MROH1: variants seen among roughly 807,000 people sequenced by gnomAD.
The protein encoded by MROH1 is maestro heat like repeat family member 1, also known as maestro heat-like repeat-containing protein family member 1.
MROH1 carries 117 observed loss-of-function variants against 116.5 expected under a neutral mutation model. That is an observed-to-expected ratio of 1.00 (90% CI 0.86 to 1.17). The LOEUF is 1.17. MROH1 is among the 50% of genes most tolerant of loss of function. The probability of loss-of-function intolerance (pLI) is 0.00; values close to 1 mark genes in which losing one functional copy is unlikely to be tolerated. For missense variants in MROH1, 1,873 were observed against 1,338.5 expected, an observed-to-expected ratio of 1.40 and a Z score of -6.23; for synonymous variants, 921 against 583.9, an observed-to-expected ratio of 1.58 and a Z score of -8.32.
chr8:144,172,941 C>T, intron 4 of MROH1, among the ~76,000 whole-genome samples: 1 of 152,090 alleles, frequency 6.6e-6, no homozygotes, highest in Non-Finnish European at 1.5e-5. Flanking sequence ...GTCATAGTGG[C>T]ACAGAATAAA....
rs1554836130 is a variant in MROH1, at chr8:144,261,777, C to T, written c.*37C>T. On this transcript the variant is annotated 3_prime_UTR_variant, in exon 44 of 44. Transcript: ENST00000326134. ...GCACCCCCAGCGAGGAGTATGCACCCAGACCTGTGCCTGAGCTCCAAGACA... is the reference window on the plus strand; with the variant it reads ...GCACCCCCAGCGAGGAGTATGCACCTAGACCTGTGCCTGAGCTCCAAGACA... The T allele has an allele frequency of 1.4e-6, 1 of 702,238 alleles. No individual in the cohort carries two copies. The highest frequency in any genetic ancestry group is 2.7e-5 in the East Asian group (1 of 37,282). The allele number at this position is 702,238 out of a possible 1,614,324, so 43.5% of individuals were successfully genotyped here.
intron 4 of MROH1, among the ~76,000 whole-genome samples, chr8:144,178,995 T>C (rs1455390410): frequency 6.6e-6 from 1 of 151,502 alleles, no homozygotes; most frequent in Non-Finnish European, 1.5e-5. Flanking sequence ...GAAGGTGGTG[T>C]GGTGGGTGGC....
At chr8:144,223,987 G>A (rs188709968) in intron 14 of MROH1, among the ~76,000 whole-genome samples, 2 of 152,328 alleles carry the variant, frequency 1.3e-5, no homozygotes, top group East Asian at 1.9e-4. Flanking sequence ...GTGCGTGGTC[G>A]TCAGTGAGGA....
intron 10 of MROH1, among the ~76,000 whole-genome samples, chr8:144,197,373 T>G (rs571755280): frequency 2.1e-5 from 3 of 141,358 alleles, no homozygotes; most frequent in African/African-American, 8.1e-5. Context: ...GCTAGCTTCC[T>G]GCAGGGTGAG....
At chr8:144,261,245 C>T (rs940413380) in intron 42 of MROH1, 29 bp downstream of exon 42, 43 of 759,968 alleles carry the variant, frequency 5.7e-5, no homozygotes, top group African/African-American at 1.2e-4. Context: ...CCCACCCCCA[C>T]GCCGCCCGGC....
At chr8:144,173,014 T>C (rs184443235) in intron 4 of MROH1, among the ~76,000 whole-genome samples, 2 of 152,288 alleles carry the variant, frequency 1.3e-5, no homozygotes, top group East Asian at 3.8e-4. Context: ...AAGGGGCTTA[T>C]TATGTGTTTG....
At chr8:144,170,139 C>T (rs1822072915) in intron 4 of MROH1, among the ~76,000 whole-genome samples, 1 of 152,196 alleles carries the variant, frequency 6.6e-6, no homozygotes, top group Non-Finnish European at 1.5e-5. Flanking sequence ...CCAATATTTA[C>T]AGGTTTTATG....
intron 13 of MROH1, among the ~76,000 whole-genome samples, chr8:144,221,274 C>T (rs1836682892): frequency 6.6e-6 from 1 of 152,188 alleles, no homozygotes; most frequent in South Asian, 2.1e-4. Flanking sequence ...CTCCACCTGT[C>T]ACATGAGACC....
chr8:144,257,634 A>C (rs1056600824), intron 35 of MROH1, among the ~76,000 whole-genome samples: 34 of 152,096 alleles, frequency 2.2e-4, no homozygotes, highest in Non-Finnish European at 4.1e-4. Context: ...CACACCATCC[A>C]GGCGAGTAGG....
chr8:144,216,611 T>C (rs994208611), intron 12 of MROH1, among the ~76,000 whole-genome samples: 7 of 152,114 alleles, frequency 4.6e-5, no homozygotes, highest in Non-Finnish European at 8.8e-5. Context: ...GTTCTGGTGG[T>C]CCCACTGTTC....
At chr8:144,221,131 A>G (rs1262647982) in intron 13 of MROH1, among the ~76,000 whole-genome samples, 2 of 152,164 alleles carry the variant, frequency 1.3e-5, no homozygotes, top group Middle Eastern at 3.2e-3. Flanking sequence ...CACAGCAGCA[A>G]TGTGGGTCAC....
At chr8:144,175,220 C>T in intron 4 of MROH1, 1 of 930,846 alleles carries the variant, frequency 1.1e-6, no homozygotes, top group Non-Finnish European at 1.3e-6. Context: ...CCTGCTGCAC[C>T]CAAGCTGCCC....
intron 35 of MROH1, among the ~76,000 whole-genome samples, chr8:144,256,121 C>T (rs1843715681): frequency 2.0e-5 from 3 of 152,186 alleles, no homozygotes; most frequent in South Asian, 2.1e-4. Flanking sequence ...GCCTTTGGCA[C>T]GTGTTCACAG....
At chr8:144,229,737 C>A (rs113306134) in intron 14 of MROH1, among the ~76,000 whole-genome samples, 47 of 152,072 alleles carry the variant, frequency 3.1e-4, no homozygotes, top group African/African-American at 1.1e-3. Flanking sequence ...TTTTTGTTTT[C>A]TCTTAGCTTT....
chr8:144,171,792 G>A (rs1564388715), intron 4 of MROH1, among the ~76,000 whole-genome samples: 5 of 152,138 alleles, frequency 3.3e-5, no homozygotes, highest in African/African-American at 1.2e-4. Context: ...CCTGATGACC[G>A]CCTGACATTC....
chr8:144,256,736 C>A (rs1843899210), intron 35 of MROH1, among the ~76,000 whole-genome samples: 1 of 152,242 alleles, frequency 6.6e-6, no homozygotes, highest in Non-Finnish European at 1.5e-5. Context: ...TTGTGGGTGC[C>A]ACATTCTTAA....
At chr8:144,165,511 C>T (rs118016928) in intron 3 of MROH1, among the ~76,000 whole-genome samples, 1,854 of 152,282 alleles carry the variant, frequency 0.012, 19 homozygotes, top group Non-Finnish European at 0.018. Flanking sequence ...TTCAAATGAT[C>T]CTCCTACCTC....
chr8:144,260,555 C>T, intron 39 of MROH1, 122 bp from the exon 40 acceptor site: 1 of 757,840 alleles, frequency 1.3e-6, no homozygotes, highest in East Asian at 2.4e-5. Flanking sequence ...GTAAGGCCCC[C>T]ACCCGTCGGG....
intron 13 of MROH1, among the ~76,000 whole-genome samples, chr8:144,221,662 G>A (rs7461819): frequency 0.86 from 130,585 of 151,992 alleles, 58,261 homozygotes; most frequent in East Asian, 1. Flanking sequence ...CCAGCGTTCA[G>A]AGCTCTTCTC....
Sources: gnomAD v4.1 joint callset for allele counts (sites outside exome capture counted in the v4.1 genomes callset) on GRCh38, gnomAD v4.1.1 for gene constraint, MANE v1.5 for transcripts, NCBI Gene and HGNC (gene_info 2026-07-23, HGNC 2026-07-21) for gene names.